The following GFRA2 variants were observed in gnomAD, a reference collection of about 807,000 sequenced individuals.
GFRA2 encodes the protein GDNF family receptor alpha 2.
Under a neutral mutation model 48.3 loss-of-function variants are expected in GFRA2, and 17 were observed. The ratio of observed to expected loss-of-function variants is 0.35; its 90% CI spans 0.24 to 0.53. The LOEUF is 0.53. Among genes scored for constraint, GFRA2 ranks in the 20% least tolerant of loss-of-function variants. The pLI is 0.93. For synonymous variants in GFRA2, 305 were observed against 257.2 expected, an observed-to-expected ratio of 1.19 and a Z score of -1.78; for missense variants, 660 against 637.3, an observed-to-expected ratio of 1.04 and a Z score of -0.38.
chr8:21,779,960 G>A lies in GFRA2; in HGVS notation c.355+2625C>T, dbSNP rs1001624812. Among the ~76,000 whole-genome samples, 7 of 151,596 alleles carry A rather than the reference G, an allele frequency of 4.6e-5. No homozygotes were observed. In the East Asian group the frequency reaches 1.4e-3, roughly 30 times the overall value. On this transcript the variant is annotated intron_variant, in intron 2 of 8. Coordinates refer to ENST00000524240, the MANE Select transcript of GFRA2 (RefSeq NM_001495.5). Reference sequence around the variant, plus strand: ...GACCCAGCCCCTCCCCTTCCCAAAGGCACCATTCCACAGAAGACCCTTCTG... The same window carrying A: ...GACCCAGCCCCTCCCCTTCCCAAAGACACCATTCCACAGAAGACCCTTCTG...
chr8:21,773,708 G>A (rs1396007629), intron 3 of GFRA2, among the ~76,000 whole-genome samples: 3 of 152,152 alleles, frequency 2.0e-5, no homozygotes, highest in Admixed American at 6.5e-5. Context: ...AAAAAGAATG[G>A]TTGAGAAACA....
intron 1 of GFRA2, among the ~76,000 whole-genome samples, chr8:21,784,663 G>A (rs1807181347): frequency 6.6e-6 from 1 of 152,166 alleles, no homozygotes; most frequent in African/African-American, 2.4e-5. Context: ...GATGGGCCTG[G>A]GGTACAGAAG....
At chr8:21,715,189 T>C (rs1281013538) in intron 4 of GFRA2, among the ~76,000 whole-genome samples, 1 of 152,202 alleles carries the variant, frequency 6.6e-6, no homozygotes, top group Admixed American at 6.6e-5. Flanking sequence ...CTCCCTTCCT[T>C]CCTGTTTATT....
intron 1 of GFRA2, among the ~76,000 whole-genome samples, chr8:21,806,074 G>A (rs991475799): frequency 6.6e-6 from 1 of 152,186 alleles, no homozygotes; most frequent in African/African-American, 2.4e-5. Flanking sequence ...GGTCGAGGCA[G>A]CCCAGCTCTT....
rs552421041 is a variant in GFRA2 at position 21,736,175 on chromosome 8, C to T, written c.794+14413G>A. Among the ~76,000 whole-genome samples, 170 of 152,308 alleles carry T rather than the reference C, an allele frequency of 1.1e-3. 1 individual carries two copies. The highest frequency in any genetic ancestry group is 6.8e-3 in the Middle Eastern group (2 of 294). On this transcript the variant is annotated intron_variant, in intron 4 of 8. Coordinates refer to ENST00000524240, the MANE Select transcript of GFRA2 (RefSeq NM_001495.5). ...CATCTGGCAGGCTCAGGTCCAGACA[C>T]GCATTTCTTCAATGAGAGTGGATGG...
intron 4 of GFRA2, among the ~76,000 whole-genome samples, chr8:21,724,833 C>T (rs529580034): frequency 1.3e-5 from 2 of 152,312 alleles, no homozygotes; most frequent in Admixed American, 6.5e-5. Context: ...ACAGGTAGCA[C>T]AGGGAATGGC....
intron 4 of GFRA2, among the ~76,000 whole-genome samples, chr8:21,707,861 A>G (rs1802826557): frequency 6.6e-6 from 1 of 152,178 alleles, no homozygotes; most frequent in Non-Finnish European, 1.5e-5. Context: ...TGTTATGTGT[A>G]TTTTACCACA....
At chr8:21,747,534 T>C (rs996306611) in intron 4 of GFRA2, among the ~76,000 whole-genome samples, 2 of 152,154 alleles carry the variant, frequency 1.3e-5, no homozygotes, top group African/African-American at 2.4e-5. Flanking sequence ...CAGCTAGCTC[T>C]GGGATCAGGC....
At chr8:21,716,200 G>T (rs1477272456) in intron 4 of GFRA2, among the ~76,000 whole-genome samples, 1 of 151,714 alleles carries the variant, frequency 6.6e-6, no homozygotes. Flanking sequence ...GCACACACCT[G>T]TAATCCCACC....
chr8:21,701,376 ACT>A (rs1802468829), intron 7 of GFRA2, among the ~76,000 whole-genome samples: 1 of 152,226 alleles, frequency 6.6e-6, no homozygotes, highest in Non-Finnish European at 1.5e-5. Flanking sequence ...CCTGGGCGAG[ACT>A]GCGAGACTCC....
At chr8:21,776,611 C>T (rs1806720493) in intron 2 of GFRA2, among the ~76,000 whole-genome samples, 1 of 152,036 alleles carries the variant, frequency 6.6e-6, no homozygotes, top group Non-Finnish European at 1.5e-5. Flanking sequence ...GCTGGGATTA[C>T]AGGCACGTGC....
chr8:21,760,427 A>G (rs1805847124), intron 3 of GFRA2, among the ~76,000 whole-genome samples: 1 of 152,236 alleles, frequency 6.6e-6, no homozygotes, highest in Admixed American at 6.5e-5. Flanking sequence ...GATAAAGCCA[A>G]GGATTGCTTG....
At chr8:21,705,790 T>C (rs1363085770) in intron 5 of GFRA2, 142 bp downstream of exon 5, 3 of 612,618 alleles carry the variant, frequency 4.9e-6, no homozygotes, top group African/African-American at 1.9e-5. Context: ...TGGTTTCCCC[T>C]CGCAGCTCTC....
chr8:21,751,585 G>A (rs190362851), intron 3 of GFRA2, among the ~76,000 whole-genome samples: 11 of 152,340 alleles, frequency 7.2e-5, no homozygotes, highest in Admixed American at 2.6e-4. Context: ...AGCGAGAACC[G>A]TTGGTCTAAG....
intron 2 of GFRA2, among the ~76,000 whole-genome samples, chr8:21,793,990 A>G (rs1745849125): frequency 6.7e-6 from 1 of 149,616 alleles, no homozygotes; most frequent in Non-Finnish European, 1.5e-5. Context: ...CAGCCTCCCT[A>G]GTTGCTGAGA....
chr8:21,786,345 G>A (rs2117086440), intron 1 of GFRA2, among the ~76,000 whole-genome samples: 1 of 152,366 alleles, frequency 6.6e-6, no homozygotes, highest in Middle Eastern at 3.4e-3. Flanking sequence ...GACCACAGAT[G>A]GTGCCCACAC....
chr8:21,746,178 G>A (rs114565468), intron 4 of GFRA2, among the ~76,000 whole-genome samples: 331 of 152,148 alleles, frequency 2.2e-3, no homozygotes, highest in African/African-American at 7.5e-3. Flanking sequence ...CCTGACTCTG[G>A]GGCACCACCA....
At chr8:21,793,868 T>G (rs1339082944), upstream of GFRA2, among the ~76,000 whole-genome samples, 1 of 129,874 alleles carries the variant, frequency 7.7e-6, no homozygotes, top group Non-Finnish European at 1.5e-5. Flanking sequence ...GAATCAAAGT[T>G]TTTTTTTTTT....
At position 21,693,297 on chromosome 8, in the gene GFRA2, A is replaced by G. The variant is rs1462313699; in HGVS notation, c.1376T>C (p.Met459Thr). Residue 459 changes from methionine to threonine, a missense_variant, in exon 9 of 9, where the codon ATG becomes ACG. By Grantham distance (81) the Met-to-Thr change is moderately conservative. Coordinates refer to ENST00000524240, the MANE Select transcript of GFRA2 (RefSeq NM_001495.5). ...SAALTVLSVL[M>T]LKLAL ...CACAGCCTACAAGGCCAGTTTCAGCATCAGGACAGACAGCACGGTCAAGGC... is the reference window on the plus strand; with the variant it reads ...CACAGCCTACAAGGCCAGTTTCAGCGTCAGGACAGACAGCACGGTCAAGGC... The G allele has an allele frequency of 1.2e-6, 2 of 1,613,150 alleles. No homozygotes were observed. The highest frequency in any genetic ancestry group is 1.7e-6 in the Non-Finnish European group (2 of 1,179,446).
Sources: gnomAD v4.1 joint callset for allele counts (sites outside exome capture counted in the v4.1 genomes callset) on GRCh38, gnomAD v4.1.1 for gene constraint, MANE v1.5 for transcripts, NCBI Gene and HGNC (gene_info 2026-07-23, HGNC 2026-07-21) for gene names.